The following LDLRAD4 variants were observed in gnomAD, a reference collection of about 807,000 sequenced individuals.
LDLRAD4 encodes low density lipoprotein receptor class A domain containing 4.
Under a neutral mutation model 17.0 loss-of-function variants are expected in LDLRAD4, and 5 were observed. The ratio of observed to expected loss-of-function variants is 0.29; its 90% CI spans 0.15 to 0.62. The LOEUF (loss-of-function observed/expected upper bound fraction) is 0.62, where lower values mean the gene tolerates loss of function less well. LDLRAD4 is among the 20% of genes least tolerant of loss of function. LDLRAD4 has a pLI of 0.84. For missense variants in LDLRAD4, 340 were observed against 424.7 expected, an observed-to-expected ratio of 0.80 and a Z score of 1.75; for synonymous variants, 168 against 171.8, an observed-to-expected ratio of 0.98 and a Z score of 0.17.
Position 13,610,265 on chromosome 18 carries a change from A to ATTTTTTTTTTTT in LDLRAD4, c.182-10823_182-10812dup, listed in dbSNP as rs1157718015. Among the ~76,000 whole-genome samples, 30 of 62,512 alleles carry ATTTTTTTTTTTT rather than the reference A, an allele frequency of 4.8e-4. 7 individuals carry two copies. The highest frequency in any genetic ancestry group is 7.7e-4 in the Non-Finnish European group (23 of 29,692). The allele number at this position is 62,512 out of a possible 152,430, so 41.0% of individuals were successfully genotyped here. ...TTCCATGAAGTTCACCAAAGCCCTA[A>ATTTTTTTTTTTT]TTTTTTTTTTTTTTTTTTTTTTTTT... On this transcript the variant is annotated intron_variant, in intron 3 of 5. Transcript: ENST00000359446.
intron 1 of LDLRAD4, among the ~76,000 whole-genome samples, chr18:13,328,798 A>G (rs547799331): frequency 6.6e-6 from 1 of 152,338 alleles, no homozygotes; most frequent in Admixed American, 6.5e-5. Flanking sequence ...CCTATTCTCC[A>G]TCCATCCAGT....
intron 1 of LDLRAD4, among the ~76,000 whole-genome samples, chr18:13,283,323 C>CT (rs1339204673): frequency 3.3e-5 from 5 of 152,204 alleles, no homozygotes; most frequent in African/African-American, 1.2e-4. Flanking sequence ...ATTTTCCAAA[C>CT]TTTTATGCTC....
At chr18:13,374,596 C>G (rs375327255) in intron 1 of LDLRAD4, among the ~76,000 whole-genome samples, 4 of 152,244 alleles carry the variant, frequency 2.6e-5, no homozygotes, top group African/African-American at 2.4e-5. Flanking sequence ...TTTCCCAGAA[C>G]AGCCGTGCAT....
chr18:13,568,294 CAAA>C (rs757940032), intron 3 of LDLRAD4, among the ~76,000 whole-genome samples: 3 of 116,522 alleles, frequency 2.6e-5, no homozygotes. Context: ...ACTCCGTTTA[CAAA>C]AAAAAAAAAA....
At position 13,438,415 on chromosome 18, in the gene LDLRAD4, G is replaced by A. The variant is rs760171029; in HGVS notation, c.181+31G>A. 2.5e-6 allele frequency: 4 copies of A among 1,601,152 alleles called. No homozygotes were observed. The South Asian group carries it at 3.3e-5, about 13-fold the overall frequency. ...TCTCTCCTCCCACCTGGGTGGCACT[G>A]TCTGATGTGGTTCTGAAACGGTTAG... On this transcript the variant is annotated intron_variant, in intron 3 of 5. Coordinates refer to ENST00000359446, the Ensembl canonical transcript of LDLRAD4.
intron 1 of LDLRAD4, among the ~76,000 whole-genome samples, chr18:13,263,827 C>T (rs2044058937): frequency 6.6e-6 from 1 of 152,172 alleles, no homozygotes; most frequent in African/African-American, 2.4e-5. Flanking sequence ...GACTGCATTG[C>T]TGTCCCTCTA....
At chr18:13,294,924 A>C (rs1169590041) in intron 1 of LDLRAD4, among the ~76,000 whole-genome samples, 1 of 152,162 alleles carries the variant, frequency 6.6e-6, no homozygotes, top group Non-Finnish European at 1.5e-5. Flanking sequence ...GTCTTTAGAA[A>C]ATGCTTAGGA....
At chr18:13,365,466 C>G (rs767371096) in intron 1 of LDLRAD4, among the ~76,000 whole-genome samples, 1 of 152,102 alleles carries the variant, frequency 6.6e-6, no homozygotes, top group Non-Finnish European at 1.5e-5. Context: ...TGGTGAAATC[C>G]GTTATAAAGA....
chr18:13,233,016 C>G (rs1381709232), intron 1 of LDLRAD4, among the ~76,000 whole-genome samples: 1 of 152,236 alleles, frequency 6.6e-6, no homozygotes, highest in African/African-American at 2.4e-5. Flanking sequence ...GAGGCGCTTT[C>G]TGATCTCCCC....
Position 13,497,646 on chromosome 18 carries a change from G to A in LDLRAD4, c.181+59262G>A, listed in dbSNP as rs146426026. Among the ~76,000 whole-genome samples, 701 of 152,306 alleles carry A rather than the reference G, an allele frequency of 4.6e-3. 4 individuals carry two copies. The highest frequency in any genetic ancestry group is 0.016 in the African/African-American group (650 of 41,570). ...TAAGACTTTGTAAGAAGGTGCAAGT[G>A]GCTTTCATGCCATAATACCAGGTCA... On this transcript the variant is annotated intron_variant, in intron 3 of 5. Coordinates refer to ENST00000359446, the Ensembl canonical transcript of LDLRAD4.
intron 2 of LDLRAD4, among the ~76,000 whole-genome samples, chr18:13,412,024 G>A (rs2088414376): frequency 6.6e-6 from 1 of 152,012 alleles, no homozygotes; most frequent in African/African-American, 2.4e-5. Context: ...AAAATTGTTT[G>A]GTAGAGATAG....
intron 3 of LDLRAD4, among the ~76,000 whole-genome samples, chr18:13,443,742 G>T (rs969763418): frequency 5.3e-4 from 80 of 150,264 alleles, no homozygotes; most frequent in African/African-American, 1.7e-3. Flanking sequence ...TCCCTTTTGT[G>T]ACTTTGGGTG....
At chr18:13,479,662 G>A (rs1235988944) in intron 3 of LDLRAD4, among the ~76,000 whole-genome samples, 1 of 151,702 alleles carries the variant, frequency 6.6e-6, no homozygotes, top group Non-Finnish European at 1.5e-5. Flanking sequence ...CCACAGACTA[G>A]AGGAAAATAT....
intron 3 of LDLRAD4, among the ~76,000 whole-genome samples, chr18:13,540,233 G>A (rs561856932): frequency 1.3e-5 from 2 of 152,306 alleles, no homozygotes; most frequent in East Asian, 3.9e-4. Flanking sequence ...CAAAAGATAT[G>A]GGCCAAGAAA....
At chr18:13,404,723 G>A (rs757025051) in intron 2 of LDLRAD4, among the ~76,000 whole-genome samples, 13 of 152,002 alleles carry the variant, frequency 8.6e-5, no homozygotes, top group Non-Finnish European at 1.6e-4. Flanking sequence ...GCGTGAACCC[G>A]GGAGGCGGAG....
chr18:13,402,802 AAC>A (rs2087352348), intron 2 of LDLRAD4, among the ~76,000 whole-genome samples: 1 of 152,252 alleles, frequency 6.6e-6, no homozygotes, highest in Non-Finnish European at 1.5e-5. Context: ...AAGGAAATCT[AAC>A]AGTTTTGTCT....
Position 13,492,217 on chromosome 18 carries a change from A to G in LDLRAD4, c.181+53833A>G, listed in dbSNP as rs529425525. Among the ~76,000 whole-genome samples, 21 of 152,294 alleles carry G rather than the reference A, an allele frequency of 1.4e-4. No individual in the cohort carries two copies. The South Asian group carries it at 4.4e-3, about 32-fold the overall frequency. On this transcript the variant is annotated intron_variant, in intron 3 of 5. Transcript: ENST00000359446. The stretch of plus-strand genomic sequence containing the variant: ...CCATCAGGCCTGAGGGGCACAGAGG[A>G]AGGATGCGAGTGGCCTGCCACAGGA...
Position 13,635,150 on chromosome 18 carries a change from C to T in LDLRAD4, c.337-8209C>T, listed in dbSNP as rs1348432162. Among the ~76,000 whole-genome samples the T allele has an allele frequency of 2.0e-5, 3 of 152,210 alleles. No individual in the cohort carries two copies. In the East Asian group the frequency reaches 5.8e-4, roughly 29 times the overall value. ...TAGTTTGACTGCTAGAACAAAGTAC[C>T]GTAGACCGGGTGGCTTATAAACAGC... is the stretch of plus-strand genomic sequence containing the variant. On this transcript the variant is annotated intron_variant, in intron 4 of 5. Transcript: ENST00000359446.
chr18:13,636,237 C>T (rs1396516604), intron 4 of LDLRAD4, among the ~76,000 whole-genome samples: 1 of 152,072 alleles, frequency 6.6e-6, no homozygotes, highest in Admixed American at 6.6e-5. Context: ...CCAGCATGCT[C>T]AAGTCCCGCA....
Sources: allele counts gnomAD v4.1 joint callset (sites outside exome capture counted in the v4.1 genomes callset), GRCh38; gene constraint gnomAD v4.1.1; transcripts MANE v1.5; gene names NCBI Gene and HGNC (gene_info 2026-07-23, HGNC 2026-07-21).